The following ENTPD1 variants were observed in gnomAD, a reference collection of about 807,000 sequenced individuals.
ENTPD1 encodes the protein ATP diphosphohydrolase.
In ENTPD1, 33 loss-of-function variants were observed where a neutral mutation model predicts 57.0. The observed-to-expected ratio is 0.58, with a 90% CI of 0.44 to 0.77. ENTPD1 has a LOEUF of 0.77. Ranked by LOEUF, ENTPD1 falls within the 30% of genes least tolerant of loss-of-function variation. The probability of loss-of-function intolerance (pLI) is 0.00; values close to 1 mark genes in which losing one functional copy is unlikely to be tolerated. For missense variants in ENTPD1, 501 were observed against 603.4 expected, an observed-to-expected ratio of 0.83 and a Z score of 1.78; for synonymous variants, 202 against 218.8, an observed-to-expected ratio of 0.92 and a Z score of 0.68.
chr10:95,771,873 C>A (rs1251155509), intron 1 of ENTPD1, among the ~76,000 whole-genome samples: 1 of 152,074 alleles, frequency 6.6e-6, no homozygotes, highest in Non-Finnish European at 1.5e-5. Context: ...CTTTACTGAT[C>A]ATATATTTTC....
At chr10:95,756,378 C>T (rs1399624356) in intron 1 of ENTPD1, 123 bp downstream of exon 1, 1 of 1,082,578 alleles carries the variant, frequency 9.2e-7, no homozygotes, top group Admixed American at 2.5e-5. Flanking sequence ...TGAACTTTCC[C>T]ACCCTCTTCC....
intron 1 of ENTPD1, among the ~76,000 whole-genome samples, chr10:95,767,073 C>A (rs1200867429): frequency 6.6e-6 from 1 of 151,594 alleles, no homozygotes. Flanking sequence ...GAAACAGGGT[C>A]TTGTTATGTT....
intron 1 of ENTPD1, among the ~76,000 whole-genome samples, chr10:95,725,166 C>G (rs2097982290): frequency 6.6e-6 from 1 of 152,078 alleles, no homozygotes; most frequent in South Asian, 2.1e-4. Context: ...TTTCATATCA[C>G]TTATTTTGCT....
chr10:95,810,292 T>G lies in ENTPD1; in HGVS notation c.17-12945T>G, dbSNP rs1416918682. 3.1e-5 allele frequency among the ~76,000 whole-genome samples: 4 copies of G among 127,134 alleles called. No homozygotes were observed. The East Asian group carries it at 8.1e-4, about 26-fold the overall frequency. The allele number at this position is 127,134 out of a possible 152,430, so 83.4% of individuals were successfully genotyped here. On this transcript the variant is annotated intron_variant, in intron 1 of 9. Coordinates refer to ENST00000371205, the MANE Select transcript of ENTPD1 (RefSeq NM_001776.6). ...GCAGAGACGCTCCTCACCTCCCAGA[T>G]GGGGCGGTGGCTGGGCAGAGGTGCT...
intron 1 of ENTPD1, among the ~76,000 whole-genome samples, chr10:95,802,285 G>T (rs947303450): frequency 5.9e-5 from 9 of 152,202 alleles, no homozygotes; most frequent in Non-Finnish European, 8.8e-5. Context: ...GAATGTTCAG[G>T]TTAAAGATAA....
At chr10:95,741,098 TAGC>T (rs2097999890) in intron 1 of ENTPD1, among the ~76,000 whole-genome samples, 1 of 152,254 alleles carries the variant, frequency 6.6e-6, no homozygotes, top group Non-Finnish European at 1.5e-5. Context: ...GCAAGCAGCT[TAGC>T]TTTTAGCCTG....
intron 2 of ENTPD1, among the ~76,000 whole-genome samples, chr10:95,834,193 CT>C (rs1392966726): frequency 2.0e-5 from 3 of 152,172 alleles, no homozygotes; most frequent in Non-Finnish European, 2.9e-5. Flanking sequence ...CTGTTGAATT[CT>C]TTCTCTGTGC....
chr10:95,715,045 A>C (rs1018441122), intron 1 of ENTPD1, among the ~76,000 whole-genome samples: 2 of 152,226 alleles, frequency 1.3e-5, no homozygotes, highest in African/African-American at 4.8e-5. Context: ...GAAACATTAT[A>C]GTTTATAAAC....
At position 95,869,920 on chromosome 10, in the gene ENTPD1, A is replaced by T; in HGVS notation, c.*3537A>T. ...AGGACTAGCTGTGTGTTCACCTCAC[A>T]TGTGGCTTGTAGCTACCATACTGGA... On this transcript the variant is annotated 3_prime_UTR_variant, in exon 10 of 10. Coordinates refer to ENST00000371205, the MANE Select transcript of ENTPD1 (RefSeq NM_001776.6). 2.1e-6 allele frequency: 2 copies of T among 966,310 alleles called. No individual in the cohort carries two copies. The highest frequency in any genetic ancestry group is 2.5e-6 in the Non-Finnish European group (2 of 812,578). 59.9% of individuals were successfully genotyped at this position (966,310 alleles called of 1,614,324 possible).
In ENTPD1 at chr10:95,867,043, C is replaced by T. The variant is rs1253952232; in HGVS notation, c.*660C>T. On this transcript the variant is annotated 3_prime_UTR_variant, in exon 10 of 10. Transcript: ENST00000371205. ...ATTCCTAGGTGATACCCAAATGCTA[C>T]AGAGTGGAACACTCAGACCTGAGAT... The T allele has an allele frequency of 3.0e-6, 3 of 989,790 alleles. No individual in the cohort carries two copies. Among genetic ancestry groups the T allele is most frequent in the Non-Finnish European group, 3.6e-6 (3 of 832,576 alleles). The allele number at this position is 989,790 out of a possible 1,614,324, so 61.3% of individuals were successfully genotyped here. A position where few individuals can be genotyped will look rare whatever the true frequency, so the allele number is the denominator to read the frequency against.
intron 1 of ENTPD1, among the ~76,000 whole-genome samples, chr10:95,732,051 G>A (rs2097989882): frequency 6.6e-6 from 1 of 151,856 alleles, no homozygotes; most frequent in African/African-American, 2.4e-5. Flanking sequence ...CCAAAGTGCT[G>A]GGATTACAGG....
chr10:95,773,126 G>T (rs1017582483), intron 1 of ENTPD1, among the ~76,000 whole-genome samples: 2 of 151,734 alleles, frequency 1.3e-5, no homozygotes, highest in Non-Finnish European at 2.9e-5. Flanking sequence ...TCATGGGAAC[G>T]AATAGAGTAA....
chr10:95,728,884 G>A (rs2097986444), intron 1 of ENTPD1, among the ~76,000 whole-genome samples: 1 of 152,068 alleles, frequency 6.6e-6, no homozygotes, highest in South Asian at 2.1e-4. Context: ...ACTATGTATA[G>A]TCTGTGTTTG....
intron 1 of ENTPD1, among the ~76,000 whole-genome samples, chr10:95,793,914 A>G (rs1202445159): frequency 6.6e-6 from 1 of 152,168 alleles, no homozygotes; most frequent in Non-Finnish European, 1.5e-5. Flanking sequence ...TGTGAAATCA[A>G]ATAGGATCAG....
At chr10:95,741,343 A>C (rs1020688104) in intron 1 of ENTPD1, among the ~76,000 whole-genome samples, 1 of 152,240 alleles carries the variant, frequency 6.6e-6, no homozygotes, top group African/African-American at 2.4e-5. Context: ...GCAGTTATCA[A>C]TTAAGTTCAT....
chr10:95,868,506 G>A lies in ENTPD1; in HGVS notation c.*2123G>A, dbSNP rs367731220. 95 of 985,372 alleles carry A rather than the reference G, an allele frequency of 9.6e-5. 4 individuals are homozygous for A. The East Asian group carries it at 5.9e-3, about 61-fold the overall frequency. The allele number at this position is 985,372 out of a possible 1,614,324, so 61.0% of individuals were successfully genotyped here. On this transcript the variant is annotated 3_prime_UTR_variant, in exon 10 of 10. Coordinates refer to ENST00000371205, the MANE Select transcript of ENTPD1 (RefSeq NM_001776.6). Reference sequence around the variant, plus strand: ...AGTAGATTGACATCAAATAGTGGCCGATGATGATGAAAATAAAGGTCAAAT... The same window carrying A: ...AGTAGATTGACATCAAATAGTGGCCAATGATGATGAAAATAAAGGTCAAAT...
At chr10:95,828,065 G>T (rs1322042368) in intron 2 of ENTPD1, among the ~76,000 whole-genome samples, 3 of 152,092 alleles carry the variant, frequency 2.0e-5, no homozygotes, top group African/African-American at 4.8e-5. Flanking sequence ...TAAAGCAGGG[G>T]TCCCCAACCC....
chr10:95,725,451 A>G (rs2097982601), intron 1 of ENTPD1, among the ~76,000 whole-genome samples: 1 of 151,670 alleles, frequency 6.6e-6, no homozygotes, highest in Non-Finnish European at 1.5e-5. Context: ...TAATATAGCA[A>G]CTCGGGATTC....
In ENTPD1 at chr10:95,777,035, G is replaced by A. The variant is rs1048580180; in HGVS notation, c.16+20780G>A. Among the ~76,000 whole-genome samples, 10 of 152,228 alleles carry A rather than the reference G, an allele frequency of 6.6e-5. No homozygotes were observed. In the East Asian group the frequency reaches 1.7e-3, roughly 26 times the overall value. On this transcript the variant is annotated intron_variant, in intron 1 of 9. Coordinates refer to ENST00000371205, the MANE Select transcript of ENTPD1 (RefSeq NM_001776.6). The stretch of plus-strand genomic sequence containing the variant: ...ATTCTAGTTAGCCATTTATCTAATC[G>A]TTTTTCAAGGTTTTTAGCTTCCTTG...
Sources: gnomAD v4.1 joint callset for allele counts (sites outside exome capture counted in the v4.1 genomes callset) on GRCh38, gnomAD v4.1.1 for gene constraint, MANE v1.5 for transcripts, NCBI Gene and HGNC (gene_info 2026-07-23, HGNC 2026-07-21) for gene names.